Variants in MORC4 observed in about 807,000 individuals in gnomAD.
MORC4 encodes MORC family CW-type zinc finger protein 4.
A neutral mutation model predicts 65.5 loss-of-function variants in MORC4; 22 were observed. The observed-to-expected ratio is 0.34, with a 90% CI of 0.24 to 0.48. MORC4 has a LOEUF of 0.48. Ranked by LOEUF, MORC4 falls within the 20% of genes least tolerant of loss-of-function variation. MORC4 has a pLI of 0.99. For missense variants in MORC4, 624 were observed against 703.0 expected (o/e 0.89, Z 1.27); for synonymous variants, 267 against 255.8 (o/e 1.04, Z -0.42).
At chrX:106,995,199 CT>C (rs1935054516) in intron 2 of MORC4, among the ~76,000 whole-genome samples, 1 of 109,902 alleles carries the variant, frequency 9.1e-6, no homozygotes, top group South Asian at 4.1e-4. Flanking sequence ...TACTTCTAAG[CT>C]TATTGCAGTA....
chrX:106,941,260 G>T lies in MORC4; in HGVS notation c.*219C>A. The T allele has an allele frequency of 3.0e-6, 1 of 329,372 alleles. No homozygotes were observed. Among genetic ancestry groups the T allele is most frequent in the Admixed American group, 5.3e-5 (1 of 18,717 alleles). The allele number at this position is 329,372 out of a possible 1,213,427, so 27.1% of individuals were successfully genotyped here. ...ATTGCTTTTCTGACCCTAGACTCTTGAAAGCCTATTTAAACTGGCCTCTTT... is the reference window on the plus strand; with the variant it reads ...ATTGCTTTTCTGACCCTAGACTCTTTAAAGCCTATTTAAACTGGCCTCTTT... On this transcript the variant is annotated 3_prime_UTR_variant, in exon 17 of 17. Coordinates refer to ENST00000355610, the MANE Select transcript of MORC4 (RefSeq NM_024657.5).
chrX:106,968,920 G>A (rs1157007851), intron 9 of MORC4, among the ~76,000 whole-genome samples: 1 of 111,067 alleles, frequency 9.0e-6, no homozygotes, highest in Non-Finnish European at 1.9e-5. Flanking sequence ...ACGTTAGACA[G>A]ATCAACAAGA....
chrX:106,978,055 T>C (rs749622268), intron 8 of MORC4, 25 bp downstream of exon 8: 22 of 1,205,275 alleles, frequency 1.8e-5, no homozygotes, highest in Non-Finnish European at 2.4e-5. Context: ...CAGCCTCCTA[T>C]GACAAAGAAA....
In MORC4 at chrX:106,942,807, A is replaced by C; in HGVS notation, c.2084T>G (p.Val695Gly). 6.6e-6 allele frequency: 8 copies of C among 1,211,579 alleles called. No homozygotes were observed. Among genetic ancestry groups the C allele is most frequent in the Non-Finnish European group, 8.9e-6 (8 of 895,422 alleles). Reference protein sequence around the residue: ...EVNKGPFVAVVGVAKGVRDSG... With the variant: ...EVNKGPFVAVGGVAKGVRDSG... Reference sequence around the variant, plus strand: ...ATCTCTAACACCTTTGGCAACACCCACAACAGCTACAAAAGGTCCCTTGTT... The same window carrying C: ...ATCTCTAACACCTTTGGCAACACCCCCAACAGCTACAAAAGGTCCCTTGTT... The change falls in exon 15 of 17, where the codon GTG (valine) becomes GGG (glycine). Residue 695 changes from valine to glycine, a missense_variant. Coordinates refer to ENST00000355610, the MANE Select transcript of MORC4 (RefSeq NM_024657.5).
intron 8 of MORC4, among the ~76,000 whole-genome samples, chrX:106,977,544 ATT>A (rs1439689285): frequency 8.9e-6 from 1 of 111,828 alleles, no homozygotes; most frequent in Non-Finnish European, 1.9e-5. Flanking sequence ...AATTTATCCC[ATT>A]TAAATCTCTC....
rs1934870032 is a variant in MORC4 at position 106,986,288 on chromosome X, G to C, written c.309-88C>G. The C allele has an allele frequency of 8.7e-6, 6 of 690,061 alleles. No individual in the cohort carries two copies. The East Asian group carries it at 2.0e-4, about 23-fold the overall frequency. 56.9% of individuals were successfully genotyped at this position (690,061 alleles called of 1,213,427 possible). Reference sequence around the variant, plus strand: ...AAGATAGGTGACAGGCAGAATATTTGGCCTACAAATAAATAACACTTGTAA... The same window carrying C: ...AAGATAGGTGACAGGCAGAATATTTCGCCTACAAATAAATAACACTTGTAA... On this transcript the variant is annotated intron_variant, in intron 3 of 16. Coordinates refer to ENST00000355610, the MANE Select transcript of MORC4 (RefSeq NM_024657.5).
At chrX:106,950,854 T>C (rs180674982) in intron 14 of MORC4, among the ~76,000 whole-genome samples, 2 of 111,969 alleles carry the variant, frequency 1.8e-5, no homozygotes, top group South Asian at 3.8e-4. Context: ...TTCCTTTGAG[T>C]AGTTTTCATA....
rs1933653924 is a variant in MORC4 at position 106,940,784 on chromosome X, T to A, written c.*695A>T. 1 of 112,329 alleles carries A rather than the reference T, an allele frequency of 8.9e-6. No homozygotes were observed. Among genetic ancestry groups the A allele is most frequent in the Non-Finnish European group, 1.9e-5 (1 of 53,167 alleles). The allele number at this position is 112,329 out of a possible 1,213,427, so 9.3% of individuals were successfully genotyped here. On this transcript the variant is annotated 3_prime_UTR_variant, in exon 17 of 17. Transcript: ENST00000355610. ...TTTTTCCAATGTAAGAATAACAAGT[T>A]TAATATTGAAAATCTGAAAAAGGCA... is the stretch of plus-strand genomic sequence containing the variant.
chrX:106,971,440 G>A (rs1934508315), intron 9 of MORC4, among the ~76,000 whole-genome samples: 1 of 111,745 alleles, frequency 8.9e-6, no homozygotes, highest in African/African-American at 3.3e-5. Context: ...CAAAAGCAAT[G>A]GCAACAAAAG....
At chrX:106,969,714 C>T (rs1278695962) in intron 9 of MORC4, among the ~76,000 whole-genome samples, 1 of 111,915 alleles carries the variant, frequency 8.9e-6, no homozygotes, top group Non-Finnish European at 1.9e-5. Flanking sequence ...CGCAAATAAA[C>T]TAGAAAATCT....
intron 9 of MORC4, among the ~76,000 whole-genome samples, chrX:106,968,642 C>CAAAAAAAAAAAAAAA (rs1194053588): frequency 2.8e-4 from 5 of 17,976 alleles, no homozygotes; most frequent in Admixed American, 1.8e-3. Context: ...AAATGGAAAG[C>CAAAAAAAAAAAAAAA]AAAAAAAAAA....
At chrX:106,984,967 G>A (rs1405641049) in intron 5 of MORC4, 129 bp downstream of exon 5, 4 of 534,589 alleles carry the variant, frequency 7.5e-6, no homozygotes, top group Admixed American at 4.4e-5. Context: ...CCAGGTGTTC[G>A]AGACCAGCCT....
chrX:106,951,945 G>T (rs1262632654), intron 14 of MORC4, among the ~76,000 whole-genome samples: 1 of 90,524 alleles, frequency 1.1e-5, no homozygotes, highest in Non-Finnish European at 2.1e-5. Context: ...GCAGTGAGCC[G>T]AGATTGCGCC....
chrX:106,970,543 C>T (rs1039378412), intron 9 of MORC4, among the ~76,000 whole-genome samples: 1 of 112,001 alleles, frequency 8.9e-6, no homozygotes, highest in Non-Finnish European at 1.9e-5. Flanking sequence ...TCTCTGTTTA[C>T]AGATGACATG....
chrX:106,986,497 G>A (rs1934873776), intron 3 of MORC4, among the ~76,000 whole-genome samples: 1 of 111,639 alleles, frequency 9.0e-6, no homozygotes. Context: ...ACCAGCTAAC[G>A]TAGCTGGAGA....
At chrX:106,993,090 C>T in intron 3 of MORC4, 140 bp downstream of exon 3, 1 of 620,869 alleles carries the variant, frequency 1.6e-6, no homozygotes, top group Non-Finnish European at 2.5e-6. Flanking sequence ...GTTTCATAAC[C>T]AGTGCCCTGG....
chrX:106,947,564 ATATATAT>A (rs1208345503), intron 14 of MORC4, among the ~76,000 whole-genome samples: 1 of 66,191 alleles, frequency 1.5e-5, no homozygotes, highest in African/African-American at 7.0e-5. Context: ...TAATCTATAT[ATATATAT>A]TATATATATA....
intron 3 of MORC4, among the ~76,000 whole-genome samples, chrX:106,992,634 C>T (rs985336895): frequency 2.2e-4 from 25 of 112,401 alleles, no homozygotes; most frequent in African/African-American, 7.8e-4. Context: ...ACTGCAAAAC[C>T]TTTAAAGAAT....
chrX:106,947,958 T>C (rs1260224435), intron 14 of MORC4, among the ~76,000 whole-genome samples: 1 of 110,554 alleles, frequency 9.0e-6, no homozygotes, highest in Non-Finnish European at 1.9e-5. Flanking sequence ...GTCTTTTGAT[T>C]GGATTGCTTA....
Sources: allele counts gnomAD v4.1 joint callset (sites outside exome capture counted in the v4.1 genomes callset), GRCh38; gene constraint gnomAD v4.1.1; transcripts MANE v1.5; gene names NCBI Gene and HGNC (gene_info 2026-07-23, HGNC 2026-07-21).